The following SORCS1 variants were observed in gnomAD, a reference collection of about 807,000 sequenced individuals.
SORCS1 encodes the protein sortilin related VPS10 domain containing receptor 1, also known as VPS10 domain-containing receptor SorCS1.
In SORCS1, 60 loss-of-function variants were observed where a neutral mutation model predicts 146.1. That is an observed-to-expected ratio of 0.41 (90% CI 0.33 to 0.51). SORCS1 has a LOEUF of 0.51. Among genes scored for constraint, SORCS1 ranks in the 20% least tolerant of loss-of-function variants. The probability of loss-of-function intolerance (pLI) is 0.21; values close to 1 mark genes in which losing one functional copy is unlikely to be tolerated. For synonymous variants in SORCS1, 637 were observed against 584.0 expected (o/e 1.09, Z -1.31); for missense variants, 1,352 against 1,487.6 (o/e 0.91, Z 1.50).
At chr10:106,832,348 C>A (rs774952181) in intron 2 of SORCS1, among the ~76,000 whole-genome samples, 4 of 152,034 alleles carry the variant, frequency 2.6e-5, no homozygotes, top group Non-Finnish European at 4.4e-5. Flanking sequence ...ATCACCACAT[C>A]CAGCTAATTT....
intron 2 of SORCS1, among the ~76,000 whole-genome samples, chr10:106,886,065 C>T (rs1319267841): frequency 2.0e-5 from 3 of 152,252 alleles, no homozygotes; most frequent in Admixed American, 1.3e-4. Flanking sequence ...AGTTCCAGAC[C>T]AGCCTGGCCA....
intron 3 of SORCS1, among the ~76,000 whole-genome samples, chr10:106,781,382 G>A (rs1193904462): frequency 6.6e-6 from 1 of 152,030 alleles, no homozygotes; most frequent in Non-Finnish European, 1.5e-5. Flanking sequence ...TGTCATAAAT[G>A]GGCTGGAATC....
At chr10:106,755,708 T>A (rs905907694) in intron 5 of SORCS1, among the ~76,000 whole-genome samples, 1 of 152,174 alleles carries the variant, frequency 6.6e-6, no homozygotes, top group South Asian at 2.1e-4. Context: ...GGGGTAGATA[T>A]GTGTCTGACC....
At chr10:106,715,991 T>G (rs113535780) in intron 6 of SORCS1, among the ~76,000 whole-genome samples, 4 of 152,146 alleles carry the variant, frequency 2.6e-5, no homozygotes, top group African/African-American at 7.2e-5. Flanking sequence ...GACCTCGTGA[T>G]TCGTCTGCCT....
chr10:106,917,074 T>C (rs1952480855), intron 2 of SORCS1, among the ~76,000 whole-genome samples: 1 of 152,158 alleles, frequency 6.6e-6, no homozygotes, highest in African/African-American at 2.4e-5. Context: ...TATCCTGTCA[T>C]TTTTCACCTG....
chr10:107,125,370 A>G (rs1467875773), intron 1 of SORCS1, among the ~76,000 whole-genome samples: 3 of 152,220 alleles, frequency 2.0e-5, no homozygotes, highest in Non-Finnish European at 4.4e-5. Flanking sequence ...CTACTTCAAC[A>G]TGAAAACTGC....
At chr10:106,853,819 A>T (rs1949681561) in intron 2 of SORCS1, among the ~76,000 whole-genome samples, 1 of 151,928 alleles carries the variant, frequency 6.6e-6, no homozygotes, top group Non-Finnish European at 1.5e-5. Context: ...AAAAACAGAC[A>T]TTGTATAATT....
chr10:107,043,689 G>C (rs1344220526), intron 1 of SORCS1, among the ~76,000 whole-genome samples: 1 of 152,024 alleles, frequency 6.6e-6, no homozygotes, highest in Admixed American at 6.6e-5. Flanking sequence ...ATCTGGCCCT[G>C]TCCTATCCCT....
intron 1 of SORCS1, among the ~76,000 whole-genome samples, chr10:107,059,875 A>G (rs1961011628): frequency 1.6e-5 from 2 of 124,898 alleles, no homozygotes; most frequent in African/African-American, 5.2e-5. Context: ...AAACAAAAGT[A>G]GATTAAAAAA....
chr10:106,641,292 A>G (rs1406205705), intron 18 of SORCS1, among the ~76,000 whole-genome samples: 1 of 152,178 alleles, frequency 6.6e-6, no homozygotes, highest in Non-Finnish European at 1.5e-5. Flanking sequence ...TGCTATTTGC[A>G]GGAAAGAATC....
In SORCS1 at chr10:106,612,040, A is replaced by T. The variant is rs1193424258; in HGVS notation, c.2921-17T>A. The T allele has an allele frequency of 6.3e-7, 1 of 1,579,264 alleles. No individual in the cohort carries two copies. The highest frequency in any genetic ancestry group is 1.1e-5 in the South Asian group (1 of 90,312). On this transcript the variant is annotated splice_polypyrimidine_tract_variant and intron_variant, in intron 21 of 25. Coordinates refer to ENST00000263054, the MANE Select transcript of SORCS1 (RefSeq NM_052918.5). Reference sequence around the variant, plus strand: ...GGAATTCCTCTGGGGATATAACAGTAGATGGAGTACTATAAGTCAAATAGT... The same window carrying T: ...GGAATTCCTCTGGGGATATAACAGTTGATGGAGTACTATAAGTCAAATAGT...
At chr10:107,134,836 G>A (rs891338517) in intron 1 of SORCS1, among the ~76,000 whole-genome samples, 6 of 152,136 alleles carry the variant, frequency 3.9e-5, no homozygotes, top group South Asian at 2.1e-4. Context: ...CTTAACTCTC[G>A]TTGCTCAGAT....
chr10:106,662,044 C>T (rs1409584069), intron 17 of SORCS1, among the ~76,000 whole-genome samples: 2 of 152,230 alleles, frequency 1.3e-5, no homozygotes, highest in Admixed American at 6.5e-5. Flanking sequence ...CCTGGAGGGA[C>T]ATTCTGCACC....
chr10:106,591,979 C>T (rs1157604241), intron 24 of SORCS1, among the ~76,000 whole-genome samples: 1 of 152,148 alleles, frequency 6.6e-6, no homozygotes, highest in Non-Finnish European at 1.5e-5. Context: ...CATTCTATTC[C>T]CTTTTCCAAC....
At chr10:106,805,143 T>C (rs1947098276) in intron 3 of SORCS1, among the ~76,000 whole-genome samples, 1 of 152,208 alleles carries the variant, frequency 6.6e-6, no homozygotes, top group Non-Finnish European at 1.5e-5. Context: ...GCAGTTAAGT[T>C]CATTCACTGT....
At chr10:106,655,836 T>C (rs1010995427) in intron 17 of SORCS1, among the ~76,000 whole-genome samples, 3 of 152,190 alleles carry the variant, frequency 2.0e-5, no homozygotes, top group Non-Finnish European at 4.4e-5. Context: ...TACAGAATGG[T>C]TCTATTTTCA....
At chr10:106,659,338 T>G (rs1018904705) in intron 17 of SORCS1, among the ~76,000 whole-genome samples, 1 of 152,218 alleles carries the variant, frequency 6.6e-6, no homozygotes, top group Non-Finnish European at 1.5e-5. Context: ...GACTTCATTT[T>G]GAACATGAGC....
At chr10:107,169,751 G>T in the SORCS1 span, among the ~76,000 whole-genome samples, 1 of 152,168 alleles carries the variant, frequency 6.6e-6, no homozygotes, top group Non-Finnish European at 1.5e-5. Flanking sequence ...TAAGGTCACA[G>T]ACTCAAAGAC....
At chr10:106,816,487 G>C (rs1018834661) in intron 3 of SORCS1, among the ~76,000 whole-genome samples, 1 of 152,208 alleles carries the variant, frequency 6.6e-6, no homozygotes, top group African/African-American at 2.4e-5. Flanking sequence ...AGCATACCCA[G>C]CTATGCCTAG....
Sources: allele counts gnomAD v4.1 joint callset (sites outside exome capture counted in the v4.1 genomes callset), GRCh38; gene constraint gnomAD v4.1.1; transcripts MANE v1.5; gene names NCBI Gene and HGNC (gene_info 2026-07-23, HGNC 2026-07-21).